Variants in SUPT3H observed in about 807,000 individuals in gnomAD.
SUPT3H encodes the protein SPT3 homolog, SAGA and STAGA complex component, also known as transcription initiation protein SPT3 homolog.
In SUPT3H, 44 loss-of-function variants were observed where a neutral mutation model predicts 44.3. The ratio of observed to expected loss-of-function variants is 0.99; its 90% CI spans 0.78 to 1.28. The LOEUF is 1.28. Ranked by LOEUF, SUPT3H falls within the 50% of genes most tolerant of loss-of-function variation. The pLI is 0.00. For synonymous variants in SUPT3H, 124 were observed against 125.6 expected (o/e 0.99, Z 0.09); for missense variants, 380 against 387.1 (o/e 0.98, Z 0.15).
chr6:45,038,921 G>A (rs1314096447), intron 3 of SUPT3H, among the ~76,000 whole-genome samples: 1 of 151,916 alleles, frequency 6.6e-6, no homozygotes, highest in African/African-American at 2.4e-5. Flanking sequence ...TTAAAATCTT[G>A]GTATTATTTC....
intron 5 of SUPT3H, among the ~76,000 whole-genome samples, chr6:45,006,768 G>A (rs1782779795): frequency 1.3e-5 from 2 of 151,986 alleles, no homozygotes; most frequent in East Asian, 1.9e-4. Context: ...TTGGCTTTCC[G>A]ATGAAAAGGG....
intron 6 of SUPT3H, among the ~76,000 whole-genome samples, chr6:44,985,563 T>C (rs1779681312): frequency 6.6e-6 from 1 of 152,162 alleles, no homozygotes; most frequent in Admixed American, 6.6e-5. Context: ...CTTTAACCCA[T>C]ATGCACCTGG....
intron 2 of SUPT3H, among the ~76,000 whole-genome samples, chr6:45,283,804 C>T (rs1429472859): frequency 1.3e-5 from 2 of 152,158 alleles, no homozygotes; most frequent in African/African-American, 4.8e-5. Context: ...CACCACACCA[C>T]ACCTATCCCA....
intron 2 of SUPT3H, among the ~76,000 whole-genome samples, chr6:45,111,721 G>C (rs545228778): frequency 6.6e-6 from 1 of 152,176 alleles, no homozygotes; most frequent in Non-Finnish European, 1.5e-5. Context: ...TCTATTCTCT[G>C]ATGTTGAGGA....
chr6:45,185,544 C>T (rs1814057411), intron 2 of SUPT3H, among the ~76,000 whole-genome samples: 1 of 152,218 alleles, frequency 6.6e-6, no homozygotes, highest in Admixed American at 6.5e-5. Flanking sequence ...CCTGCCATAA[C>T]TTTAAGCTTA....
At chr6:45,074,050 G>A (rs62438864) in intron 3 of SUPT3H, among the ~76,000 whole-genome samples, 33,116 of 151,722 alleles carry the variant, frequency 0.22, 4,421 homozygotes, top group Non-Finnish European at 0.31. Context: ...ATTAAAGGAG[G>A]AAAGAGAATA....
intron 2 of SUPT3H, among the ~76,000 whole-genome samples, chr6:45,123,888 T>C (rs1022835898): frequency 6.6e-6 from 1 of 152,218 alleles, no homozygotes; most frequent in Non-Finnish European, 1.5e-5. Context: ...TTTCATCTCA[T>C]GTAAGTGCTA....
chr6:44,823,364 G>A (rs569376021), downstream of SUPT3H, among the ~76,000 whole-genome samples: 1 of 152,104 alleles, frequency 6.6e-6, no homozygotes, highest in East Asian at 1.9e-4. Flanking sequence ...GAAAGAGCTA[G>A]GGAAGGAGAC....
intron 2 of SUPT3H, among the ~76,000 whole-genome samples, chr6:45,283,214 G>C (rs1439844692): frequency 6.6e-6 from 1 of 152,068 alleles, no homozygotes; most frequent in African/African-American, 2.4e-5. Flanking sequence ...CATAATGACA[G>C]GATCAAATTC....
chr6:45,086,513 A>C (rs1369717592), intron 3 of SUPT3H, among the ~76,000 whole-genome samples: 1 of 152,032 alleles, frequency 6.6e-6, no homozygotes, highest in Non-Finnish European at 1.5e-5. Context: ...ATTTTGTTCT[A>C]TGACACAGAG....
intron 2 of SUPT3H, among the ~76,000 whole-genome samples, chr6:45,189,012 A>G (rs1177159653): frequency 6.6e-6 from 1 of 152,084 alleles, no homozygotes; most frequent in Non-Finnish European, 1.5e-5. Flanking sequence ...ATGTTGCCCA[A>G]GGTGGTCTTG....
chr6:45,345,690 C>T (rs1581756774), intron 2 of SUPT3H, among the ~76,000 whole-genome samples: 1 of 152,158 alleles, frequency 6.6e-6, no homozygotes, highest in South Asian at 2.1e-4. Context: ...ATAGGTCTTT[C>T]CACAGCCAAC....
chr6:44,957,211 C>T (rs1775349194), intron 7 of SUPT3H, among the ~76,000 whole-genome samples: 2 of 152,078 alleles, frequency 1.3e-5, no homozygotes, highest in South Asian at 2.1e-4. Context: ...TATTTTGATC[C>T]TTCTATATAG....
chr6:45,197,614 C>A (rs1816278985), intron 2 of SUPT3H: 2 of 334,410 alleles, frequency 6.0e-6, no homozygotes, highest in Non-Finnish European at 1.2e-5. Context: ...ATGAGAAAGA[C>A]AAAAGTTTTG....
chr6:45,175,769 C>A (rs1811676274), intron 2 of SUPT3H, among the ~76,000 whole-genome samples: 1 of 151,928 alleles, frequency 6.6e-6, no homozygotes, highest in East Asian at 1.9e-4. Context: ...TTTATGAAAT[C>A]CTATTTAGAA....
chr6:44,885,900 C>T (rs1308490820), intron 10 of SUPT3H, among the ~76,000 whole-genome samples: 2 of 152,028 alleles, frequency 1.3e-5, no homozygotes, highest in African/African-American at 4.8e-5. Flanking sequence ...ACTAGAATAA[C>T]CAATACACAG....
At chr6:45,259,134 T>G (rs1383527972) in intron 2 of SUPT3H, among the ~76,000 whole-genome samples, 1 of 152,144 alleles carries the variant, frequency 6.6e-6, no homozygotes, top group Non-Finnish European at 1.5e-5. Flanking sequence ...TGCAGTACAC[T>G]TTAGCATTTG....
At chr6:45,148,956 T>G (rs1167585936) in intron 2 of SUPT3H, among the ~76,000 whole-genome samples, 1 of 152,154 alleles carries the variant, frequency 6.6e-6, no homozygotes, top group Non-Finnish European at 1.5e-5. Context: ...CTGATTTCAG[T>G]GCCCAGGCTT....
chr6:44,958,330 C>T (rs1305108957), intron 7 of SUPT3H, among the ~76,000 whole-genome samples: 1 of 152,196 alleles, frequency 6.6e-6, no homozygotes, highest in Non-Finnish European at 1.5e-5. Context: ...CTCATGCCTG[C>T]ATACTATTCA....
Sources: allele counts gnomAD v4.1 joint callset (sites outside exome capture counted in the v4.1 genomes callset), GRCh38; gene constraint gnomAD v4.1.1; transcripts MANE v1.5; gene names NCBI Gene and HGNC (gene_info 2026-07-23, HGNC 2026-07-21).